The following NARS2 variants were observed in gnomAD, a reference collection of about 807,000 sequenced individuals.
The protein encoded by NARS2 is asparaginyl-tRNA synthetase 2, mitochondrial, also known as asparaginyl-tRNA synthetase.
A neutral mutation model predicts 62.9 loss-of-function variants in NARS2; 60 were observed. The ratio of observed to expected loss-of-function variants is 0.95; its 90% CI spans 0.77 to 1.18. NARS2 has a LOEUF of 1.18. Ranked by LOEUF, NARS2 falls within the 50% of genes most tolerant of loss-of-function variation. The pLI, the probability that NARS2 is intolerant of heterozygous loss-of-function variation, is 0.00. For missense variants in NARS2, 619 were observed against 576.4 expected, an observed-to-expected ratio of 1.07 and a Z score of -0.76; for synonymous variants, 196 against 200.0, an observed-to-expected ratio of 0.98 and a Z score of 0.17.
chr11:78,535,815 C>T (rs1007240203), intron 5 of NARS2, among the ~76,000 whole-genome samples: 3 of 152,040 alleles, frequency 2.0e-5, no homozygotes, highest in African/African-American at 7.2e-5. Flanking sequence ...CGGGGTTTCT[C>T]CATGTTGGTC....
chr11:78,516,523 T>A (rs1474892387), intron 6 of NARS2, among the ~76,000 whole-genome samples: 1 of 152,210 alleles, frequency 6.6e-6, no homozygotes, highest in Non-Finnish European at 1.5e-5. Context: ...TAATTTCTCG[T>A]TTAATGCTCA....
chr11:78,539,191 A>G (rs1240042646), intron 5 of NARS2, among the ~76,000 whole-genome samples: 1 of 151,712 alleles, frequency 6.6e-6, no homozygotes, highest in Non-Finnish European at 1.5e-5. Flanking sequence ...CGGAGAACAG[A>G]TAATAAAGGG....
intron 9 of NARS2, among the ~76,000 whole-genome samples, chr11:78,474,923 C>T (rs2063729): frequency 0.27 from 41,233 of 151,132 alleles, 6,289 homozygotes; most frequent in East Asian, 0.42. Context: ...TTTTTTTTTG[C>T]AGTGAGAAGA....
chr11:78,553,259 C>G (rs146778294), intron 5 of NARS2, among the ~76,000 whole-genome samples: 89 of 152,172 alleles, frequency 5.8e-4, no homozygotes, highest in South Asian at 8.3e-4. Context: ...TGTCTTCTAA[C>G]AAGTGTCTGT....
chr11:78,471,881 T>G (rs970917019), intron 9 of NARS2, among the ~76,000 whole-genome samples: 17 of 152,292 alleles, frequency 1.1e-4, no homozygotes, highest in Admixed American at 5.2e-4. Flanking sequence ...TTTTTATGGC[T>G]GCATAGTATT....
At chr11:78,518,665 C>A (rs1861001549) in intron 6 of NARS2, among the ~76,000 whole-genome samples, 2 of 151,988 alleles carry the variant, frequency 1.3e-5, no homozygotes, top group South Asian at 2.1e-4. Context: ...CTACAGGCGC[C>A]CGCCACCACG....
chr11:78,444,727 C>CAAAGAAAA (rs56788561), intron 11 of NARS2, among the ~76,000 whole-genome samples: 2,373 of 92,358 alleles, frequency 0.026, 70 homozygotes, highest in South Asian at 0.1. Flanking sequence ...TCAAACAAAA[C>CAAAGAAAA]AAAAAAAAAA....
chr11:78,443,424 G>A lies in NARS2; in HGVS notation c.1262+237C>T, dbSNP rs1857642503. On this transcript the variant is annotated intron_variant, in intron 12 of 13. Transcript: ENST00000281038. ...TTTTTAAAAAGCTACTTTCCATAGG[G>A]AAAGGTTTGTAAAAATGGGCAAATA... Among the ~76,000 whole-genome samples the A allele has an allele frequency of 2.0e-5, 3 of 152,072 alleles. No individual in the cohort carries two copies. The South Asian group carries it at 6.2e-4, about 32-fold the overall frequency.
intron 7 of NARS2, among the ~76,000 whole-genome samples, chr11:78,491,904 T>A (rs995405521): frequency 6.6e-6 from 1 of 152,096 alleles, no homozygotes; most frequent in South Asian, 2.1e-4. Context: ...ATTTACTGGG[T>A]AAGAGTAGAA....
intron 11 of NARS2, among the ~76,000 whole-genome samples, chr11:78,447,820 G>A (rs1012694839): frequency 2.0e-5 from 3 of 152,032 alleles, no homozygotes; most frequent in Non-Finnish European, 4.4e-5. Flanking sequence ...ATATATAATA[G>A]AATGATGGTT....
chr11:78,516,098 T>C (rs1048402490), intron 6 of NARS2, among the ~76,000 whole-genome samples: 5 of 152,214 alleles, frequency 3.3e-5, no homozygotes, highest in Non-Finnish European at 7.3e-5. Flanking sequence ...TATTTGGAAG[T>C]TGATAAAGAC....
intron 11 of NARS2, among the ~76,000 whole-genome samples, chr11:78,456,601 A>G (rs887234033): frequency 4.6e-5 from 7 of 152,194 alleles, no homozygotes; most frequent in African/African-American, 1.7e-4. Flanking sequence ...ACTTCACAGT[A>G]TGTACTTTAC....
At position 78,462,420 on chromosome 11, in the gene NARS2, G is replaced by T. The variant is rs570906537; in HGVS notation, c.1164+3456C>A. On this transcript the variant is annotated intron_variant, in intron 11 of 13. Transcript: ENST00000281038. ...TCAATTATGTTGCTCACTAGTTTTGGATGATTTTGTGTGAAAGGTGAGGAT... is the reference window on the plus strand; with the variant it reads ...TCAATTATGTTGCTCACTAGTTTTGTATGATTTTGTGTGAAAGGTGAGGAT... Among the ~76,000 whole-genome samples the T allele has an allele frequency of 2.0e-5, 3 of 152,164 alleles. No individual in the cohort carries two copies. In the East Asian group the frequency reaches 5.8e-4, roughly 29 times the overall value.
chr11:78,496,982 T>C (rs1290067251), intron 6 of NARS2, among the ~76,000 whole-genome samples: 1 of 151,976 alleles, frequency 6.6e-6, no homozygotes, highest in Non-Finnish European at 1.5e-5. Context: ...AACATTTAAA[T>C]AAAATCTGAG....
At chr11:78,480,822 C>CT (rs1357342801) in intron 7 of NARS2, among the ~76,000 whole-genome samples, 134 of 145,302 alleles carry the variant, frequency 9.2e-4, no homozygotes, top group East Asian at 4.0e-3. Flanking sequence ...GTTTAACTTT[C>CT]TTTTTTTTTT....
intron 5 of NARS2, among the ~76,000 whole-genome samples, chr11:78,551,014 G>A (rs1249337107): frequency 6.6e-6 from 1 of 152,160 alleles, no homozygotes; most frequent in Non-Finnish European, 1.5e-5. Context: ...AAAAGTTTCA[G>A]AAGAGGCAAA....
chr11:78,529,033 TA>T (rs1861392845), intron 5 of NARS2, 97 bp from the exon 6 acceptor site: 4 of 786,524 alleles, frequency 5.1e-6, no homozygotes, highest in African/African-American at 1.7e-5. Flanking sequence ...ACAATGCAAT[TA>T]AATCTATGTG....
intron 5 of NARS2, among the ~76,000 whole-genome samples, chr11:78,546,064 C>T (rs1173339988): frequency 6.6e-6 from 1 of 152,188 alleles, no homozygotes; most frequent in African/African-American, 2.4e-5. Flanking sequence ...CTGGCTTCAA[C>T]TGAGTGGTTC....
rs10556136 is a variant in NARS2, at chr11:78,457,797, A to AACAC, written c.1164+8075_1164+8078dup. ...AAGGAATCTTATGTTATTATGTAAC[A>AACAC]ACACACACACACACACACACACACA... is the stretch of plus-strand genomic sequence containing the variant. On this transcript the variant is annotated intron_variant, in intron 11 of 13. Coordinates refer to ENST00000281038, the MANE Select transcript of NARS2 (RefSeq NM_024678.6). Among the ~76,000 whole-genome samples, 207 of 148,530 alleles carry AACAC rather than the reference A, an allele frequency of 1.4e-3. No homozygotes were observed. In the East Asian group the frequency reaches 0.021, roughly 15 times the overall value.
Sources: allele counts gnomAD v4.1 joint callset (sites outside exome capture counted in the v4.1 genomes callset), GRCh38; gene constraint gnomAD v4.1.1; transcripts MANE v1.5; gene names NCBI Gene and HGNC (gene_info 2026-07-23, HGNC 2026-07-21).